Variants in KYAT3 observed in about 807,000 individuals in gnomAD.
KYAT3 encodes the protein kynurenine--oxoglutarate transaminase 3.
Under a neutral mutation model 59.0 loss-of-function variants are expected in KYAT3, and 50 were observed. The observed-to-expected ratio is 0.85, with a 90% CI of 0.68 to 1.07. KYAT3 has a LOEUF of 1.07. Among genes scored for constraint, KYAT3 ranks in the 50% least tolerant of loss-of-function variants. The pLI, the probability that KYAT3 is intolerant of heterozygous loss-of-function variation, is 0.00. For missense variants in KYAT3, 497 were observed against 533.3 expected (o/e 0.93, Z 0.67); for synonymous variants, 148 against 177.0 (o/e 0.84, Z 1.30).
the KYAT3 span, among the ~76,000 whole-genome samples, chr1:88,921,525 A>G: frequency 0.036 from 5,441 of 152,294 alleles, 271 homozygotes; most frequent in African/African-American, 0.11. Flanking sequence ...TGTGAAGTCT[A>G]TATGTCTTAT....
downstream of KYAT3, among the ~76,000 whole-genome samples, chr1:88,934,616 C>T (rs1287388982): frequency 1.3e-5 from 2 of 152,156 alleles, no homozygotes; most frequent in African/African-American, 4.8e-5. Context: ...GGAGCTCCAA[C>T]CCCAGGGTTG....
chr1:88,984,786 A>C (rs955453056), intron 2 of KYAT3, among the ~76,000 whole-genome samples: 1 of 152,250 alleles, frequency 6.6e-6, no homozygotes, highest in Admixed American at 6.5e-5. Flanking sequence ...ATTGAAGCTA[A>C]GTGACAGGCA....
intron 9 of KYAT3, among the ~76,000 whole-genome samples, chr1:88,953,882 G>T (rs952734067): frequency 2.0e-5 from 3 of 150,152 alleles, no homozygotes; most frequent in African/African-American, 4.9e-5. Context: ...TTGTTTTGAT[G>T]CTCCCTCCTT....
chr1:88,951,437 G>C (rs987184631), intron 10 of KYAT3, among the ~76,000 whole-genome samples: 8 of 151,946 alleles, frequency 5.3e-5, no homozygotes, highest in Non-Finnish European at 1.0e-4. Flanking sequence ...GTTTTGCCAT[G>C]TTGGCCAGGC....
At chr1:88,982,784 A>G (rs1203603767) in intron 2 of KYAT3, 3 of 1,613,966 alleles carry the variant, frequency 1.9e-6, no homozygotes, top group Admixed American at 3.3e-5. Context: ...AGAAGGGGGA[A>G]GCCCTCTTTC....
the KYAT3 span, among the ~76,000 whole-genome samples, chr1:88,926,508 A>T: frequency 6.6e-6 from 1 of 152,088 alleles, no homozygotes; most frequent in Non-Finnish European, 1.5e-5. Flanking sequence ...TATAGACAGG[A>T]TCTCACTGTG....
rs966089156 is a variant in KYAT3 at position 88,987,691 on chromosome 1, A to G, written c.99+561T>C. 2.0e-5 allele frequency among the ~76,000 whole-genome samples: 3 copies of G among 152,198 alleles called. No individual in the cohort carries two copies. In the South Asian group the frequency reaches 6.2e-4, roughly 32 times the overall value. ...AACTTTAGAATAAATCTTAGACCTT[A>G]GGTCATTACATCCCTACATACTTGG... On this transcript the variant is annotated intron_variant, in intron 2 of 13. Transcript: ENST00000260508.
intron 2 of KYAT3, chr1:88,983,944 C>T (rs1391560085): frequency 1.8e-6 from 2 of 1,098,696 alleles, no homozygotes; most frequent in East Asian, 2.4e-5. Context: ...GAGGACTGAA[C>T]CGCGAAGCCG....
chr1:88,943,626 C>G (rs1675328414), intron 11 of KYAT3, among the ~76,000 whole-genome samples: 1 of 152,154 alleles, frequency 6.6e-6, no homozygotes. Context: ...TACTGATAGT[C>G]TAAGGCAGTA....
intron 1 of KYAT3, among the ~76,000 whole-genome samples, chr1:88,988,662 A>G (rs1443833072): frequency 6.6e-6 from 1 of 152,238 alleles, no homozygotes; most frequent in African/African-American, 2.4e-5. Flanking sequence ...TCAGAAAGTG[A>G]AAGTTCCATT....
intron 8 of KYAT3, among the ~76,000 whole-genome samples, chr1:88,959,782 C>T (rs1410961121): frequency 6.6e-6 from 1 of 151,650 alleles, no homozygotes; most frequent in African/African-American, 2.4e-5. Context: ...TTTTATTCCC[C>T]TCAAACAGTC....
At chr1:88,937,952 T>G (rs1675100384) in intron 13 of KYAT3, among the ~76,000 whole-genome samples, 1 of 152,210 alleles carries the variant, frequency 6.6e-6, no homozygotes, top group Non-Finnish European at 1.5e-5. Flanking sequence ...TGCATGATTC[T>G]AGCCTGAATT....
chr1:88,924,251 G>A, the KYAT3 span, among the ~76,000 whole-genome samples: 1 of 152,230 alleles, frequency 6.6e-6, no homozygotes, highest in Non-Finnish European at 1.5e-5. Flanking sequence ...GACTGACAGG[G>A]TTAGGAGTCA....
chr1:88,961,195 T>C lies in KYAT3; in HGVS notation c.759A>G (p.Val253=), dbSNP rs1676124181. 1.2e-6 allele frequency: 2 copies of C among 1,613,498 alleles called. No homozygotes were observed. Among genetic ancestry groups the C allele is most frequent in the Admixed American group, 1.7e-5 (1 of 60,010 alleles). Residue 253 remains valine (V), a synonymous_variant, in exon 8 of 14, where the codon GTA becomes GTG. Transcript: ENST00000260508. ...CISDEVYEWL[V]YSGNKHLKIA... is the part of the protein sequence containing the mutation. The stretch of plus-strand genomic sequence containing the variant: ...TTTTTAAGTGCTTATTTCCAGAATA[T>C]ACAAGCCATTCATAAACCTCATCGC...
rs145619114 is a variant in KYAT3 at position 88,943,670 on chromosome 1, G to A, written c.1142-247C>T. On this transcript the variant is annotated intron_variant, in intron 11 of 13. Transcript: ENST00000260508. ...TACATCAGGGTGATTAGGCTTATACGTGCAGCTTTCAGCACAGGAAGAGAG... is the reference window on the plus strand; with the variant it reads ...TACATCAGGGTGATTAGGCTTATACATGCAGCTTTCAGCACAGGAAGAGAG... Among the ~76,000 whole-genome samples the A allele has an allele frequency of 2.2e-3, 335 of 152,276 alleles. 1 individual carries two copies. The highest frequency in any genetic ancestry group is 3.7e-3 in the Non-Finnish European group (253 of 68,024).
intron 13 of KYAT3, among the ~76,000 whole-genome samples, chr1:88,942,177 T>C (rs1458472086): frequency 6.6e-6 from 1 of 152,160 alleles, no homozygotes; most frequent in Non-Finnish European, 1.5e-5. Context: ...TTAACCCTTT[T>C]TTTCTGACAT....
At chr1:88,923,799 A>T in the KYAT3 span, 1 of 258,488 alleles carries the variant, frequency 3.9e-6, no homozygotes, top group East Asian at 1.5e-4. Context: ...CAGGAGAGCC[A>T]AAAGTATGCC....
chr1:88,961,254 C>A lies in KYAT3; in HGVS notation c.700G>T (p.Asp234Tyr). 3 of 1,613,614 alleles carry A rather than the reference C, an allele frequency of 1.9e-6. No individual in the cohort carries two copies. The South Asian group carries it at 3.3e-5, about 18-fold the overall frequency. The change falls in exon 8 of 14, where the codon GAC becomes TAC. Residue 234 changes from aspartate to tyrosine, a missense_variant. Coordinates refer to ENST00000260508, the MANE Select transcript of KYAT3 (RefSeq NM_001008661.3). ...YNREELQVIA[D>Y]LCIKYDTLCI... Reference sequence around the variant, plus strand: ...AGTGTGTCATATTTGATGCAAAGGTCAGCAATTACTTGCAGTTCCTCTCTG... The same window carrying A: ...AGTGTGTCATATTTGATGCAAAGGTAAGCAATTACTTGCAGTTCCTCTCTG...
At chr1:88,952,363 G>A (rs1263290262) in intron 10 of KYAT3, among the ~76,000 whole-genome samples, 3 of 152,178 alleles carry the variant, frequency 2.0e-5, no homozygotes, top group Non-Finnish European at 4.4e-5. Flanking sequence ...CTAGTGTCCA[G>A]TTGTAATCCT....
Sources: allele counts gnomAD v4.1 joint callset (sites outside exome capture counted in the v4.1 genomes callset), GRCh38; gene constraint gnomAD v4.1.1; transcripts MANE v1.5; gene names NCBI Gene and HGNC (gene_info 2026-07-23, HGNC 2026-07-21).